Variants in CDH13 observed in about 807,000 individuals in gnomAD.
CDH13 encodes cadherin-13.
In CDH13, 24 loss-of-function variants were observed where a neutral mutation model predicts 63.8. The observed-to-expected ratio is 0.38, with a 90% CI of 0.27 to 0.53. The LOEUF is 0.53. CDH13 is among the 20% of genes least tolerant of loss of function. CDH13 has a pLI of 0.85. For synonymous variants in CDH13, 503 were observed against 355.3 expected (o/e 1.42, Z -4.67); for missense variants, 1,049 against 903.1 (o/e 1.16, Z -2.07).
At chr16:83,067,400 G>A (rs2032100221) in intron 3 of CDH13, among the ~76,000 whole-genome samples, 1 of 152,136 alleles carries the variant, frequency 6.6e-6, no homozygotes. Flanking sequence ...TATAAAATGG[G>A]AACCATCCAT....
chr16:83,506,393 A>G (rs2074395800), intron 7 of CDH13, among the ~76,000 whole-genome samples: 1 of 152,144 alleles, frequency 6.6e-6, no homozygotes, highest in Admixed American at 6.5e-5. Context: ...GAAAGGGAGG[A>G]GAGACTGACA....
At chr16:82,650,585 G>T (rs1412033922) in intron 1 of CDH13, among the ~76,000 whole-genome samples, 1 of 152,158 alleles carries the variant, frequency 6.6e-6, no homozygotes, top group East Asian at 1.9e-4. Flanking sequence ...GCCCCAAAAT[G>T]TCCCGCTGTT....
At chr16:83,368,938 A>ATATATAT (rs60900726) in intron 6 of CDH13, among the ~76,000 whole-genome samples, 20 of 55,422 alleles carry the variant, frequency 3.6e-4, no homozygotes, top group East Asian at 6.0e-4. Flanking sequence ...ATATATATAT[A>ATATATAT]CTAGGTTTTT....
chr16:82,674,284 A>C (rs965444536), intron 1 of CDH13, among the ~76,000 whole-genome samples: 1 of 152,146 alleles, frequency 6.6e-6, no homozygotes, highest in African/African-American at 2.4e-5. Flanking sequence ...CCCTTTCTAA[A>C]TAGTGTTTAT....
At chr16:83,039,063 C>T (rs759978726) in intron 3 of CDH13, among the ~76,000 whole-genome samples, 9 of 152,182 alleles carry the variant, frequency 5.9e-5, no homozygotes, top group Non-Finnish European at 8.8e-5. Context: ...TAGATGCCTA[C>T]GGCCAGGCAG....
At chr16:82,878,605 C>T (rs1002789667) in intron 2 of CDH13, among the ~76,000 whole-genome samples, 7 of 151,114 alleles carry the variant, frequency 4.6e-5, no homozygotes, top group African/African-American at 1.2e-4. Flanking sequence ...TGGTAGCTTG[C>T]CTTTCTTGGT....
intron 1 of CDH13, among the ~76,000 whole-genome samples, chr16:82,712,875 G>T (rs982952393): frequency 6.6e-6 from 1 of 151,924 alleles, no homozygotes; most frequent in African/African-American, 2.4e-5. Flanking sequence ...GCTCTCTGGG[G>T]GCCACTCTCA....
intron 11 of CDH13, among the ~76,000 whole-genome samples, chr16:83,765,730 A>G (rs540106548): frequency 7.6e-4 from 116 of 152,354 alleles, no homozygotes; most frequent in African/African-American, 2.6e-3. Flanking sequence ...CACAAAGTAT[A>G]AAATAAAACA....
intron 1 of CDH13, among the ~76,000 whole-genome samples, chr16:82,684,675 G>C (rs775152413): frequency 4.6e-5 from 7 of 151,918 alleles, no homozygotes; most frequent in Non-Finnish European, 7.4e-5. Context: ...GCATGGAACT[G>C]TTTACAATTG....
intron 13 of CDH13, among the ~76,000 whole-genome samples, chr16:83,785,473 A>G (rs961921201): frequency 6.6e-6 from 1 of 152,202 alleles, no homozygotes; most frequent in Admixed American, 6.5e-5. Context: ...AGGTTTCAGC[A>G]TATAAACTTT....
intron 5 of CDH13, among the ~76,000 whole-genome samples, chr16:83,278,151 G>A (rs1417744812): frequency 6.6e-6 from 1 of 151,990 alleles, no homozygotes; most frequent in African/African-American, 2.4e-5. Context: ...CAGATTTCTG[G>A]CAAATTTGCA....
intron 1 of CDH13, among the ~76,000 whole-genome samples, chr16:82,690,909 T>G (rs1051834833): frequency 3.9e-5 from 6 of 152,146 alleles, no homozygotes; most frequent in African/African-American, 7.2e-5. Flanking sequence ...GGATGAACGC[T>G]CTAGTTGCCT....
At chr16:83,063,091 A>G (rs2031710802) in intron 3 of CDH13, among the ~76,000 whole-genome samples, 3 of 151,696 alleles carry the variant, frequency 2.0e-5, no homozygotes, top group Admixed American at 2.0e-4. Flanking sequence ...CCTCCCTAAT[A>G]GCTGAGACTA....
At chr16:83,222,058 A>G (rs1349677807) in intron 5 of CDH13, among the ~76,000 whole-genome samples, 2 of 152,200 alleles carry the variant, frequency 1.3e-5, no homozygotes, top group East Asian at 3.9e-4. Flanking sequence ...AAATACTCAG[A>G]TGATGGTCTC....
intron 2 of CDH13, among the ~76,000 whole-genome samples, chr16:82,992,463 G>A (rs1170773507): frequency 3.3e-5 from 5 of 152,166 alleles, no homozygotes; most frequent in East Asian, 1.9e-4. Context: ...TACGTGCAGA[G>A]AGACTGGTTT....
At chr16:83,443,735 A>AT (rs1171415850) in intron 6 of CDH13, among the ~76,000 whole-genome samples, 3 of 20,130 alleles carry the variant, frequency 1.5e-4, no homozygotes, top group African/African-American at 3.4e-4. Flanking sequence ...AAAAAAAAAA[A>AT]ATATATATAT....
intron 3 of CDH13, among the ~76,000 whole-genome samples, chr16:83,099,780 C>A (rs2034385893): frequency 6.6e-6 from 1 of 151,980 alleles, no homozygotes; most frequent in Admixed American, 6.6e-5. Context: ...AACCAAAAGG[C>A]TGTTTTGAGT....
rs150782900 is a variant in CDH13 at position 82,832,708 on chromosome 16, T to C, written c.46-25654T>C. Reference sequence around the variant, plus strand: ...TGAAATTGTTTCAGTAACATTGCCATGTTACAGTAAGCTTTTGCATCTGGA... The same window carrying C: ...TGAAATTGTTTCAGTAACATTGCCACGTTACAGTAAGCTTTTGCATCTGGA... On this transcript the variant is annotated intron_variant, in intron 1 of 13. Coordinates refer to ENST00000567109, the MANE Select transcript of CDH13 (RefSeq NM_001257.5). Among the ~76,000 whole-genome samples, 8 of 146,758 alleles carry C rather than the reference T, an allele frequency of 5.5e-5. No individual in the cohort carries two copies. The East Asian group carries it at 1.6e-3, about 29-fold the overall frequency.
At chr16:83,019,850 A>AAAC (rs1915180816) in intron 2 of CDH13, among the ~76,000 whole-genome samples, 1 of 151,726 alleles carries the variant, frequency 6.6e-6, no homozygotes, top group South Asian at 2.1e-4. Flanking sequence ...AAAAAAAAAA[A>AAAC]AAAACAATAA....
Sources: allele counts gnomAD v4.1 joint callset (sites outside exome capture counted in the v4.1 genomes callset), GRCh38; gene constraint gnomAD v4.1.1; transcripts MANE v1.5; gene names NCBI Gene and HGNC (gene_info 2026-07-23, HGNC 2026-07-21).